NEO1: variants seen among roughly 807,000 people sequenced by gnomAD.
NEO1 encodes the protein neogenin.
A neutral mutation model predicts 159.7 loss-of-function variants in NEO1; 63 were observed. That is an observed-to-expected ratio of 0.39 (90% confidence interval 0.32 to 0.49). NEO1 has a LOEUF of 0.49. NEO1 is among the 20% of genes least tolerant of loss of function. The pLI is 0.85. For missense variants in NEO1, 1,615 were observed against 1,831.0 expected, an observed-to-expected ratio of 0.88 and a Z score of 2.15; for synonymous variants, 633 against 662.0, an observed-to-expected ratio of 0.96 and a Z score of 0.67.
At chr15:73,156,754 C>A (rs978975150) in intron 5 of NEO1, among the ~76,000 whole-genome samples, 4 of 152,168 alleles carry the variant, frequency 2.6e-5, no homozygotes, top group Non-Finnish European at 5.9e-5. Context: ...TTGCAGAATT[C>A]TCAGGAACCT....
In NEO1 at chr15:73,304,168, T is replaced by C. The variant is rs1595811009; in HGVS notation, c.*1472T>C. The C allele has an allele frequency of 1.4e-5, 2 of 144,286 alleles. No homozygotes were observed. The highest frequency in any genetic ancestry group is 5.2e-5 in the African/African-American group (2 of 38,270). 8.9% of individuals were successfully genotyped at this position (144,286 alleles called of 1,614,324 possible). A position where few individuals can be genotyped will look rare whatever the true frequency, so the allele number is the denominator to read the frequency against. ...CCTGATGAGAATGAAGCCACAGGAG[T>C]TGTCTGAGGTGAACCCAGCCGCTCA... On this transcript the variant is annotated 3_prime_UTR_variant, in exon 29 of 29. Coordinates refer to ENST00000261908, the MANE Select transcript of NEO1 (RefSeq NM_002499.4).
At chr15:73,299,152 C>T (rs2042502443) in intron 27 of NEO1, among the ~76,000 whole-genome samples, 1 of 152,154 alleles carries the variant, frequency 6.6e-6, no homozygotes, top group Non-Finnish European at 1.5e-5. Context: ...GTTACCTATT[C>T]ATTTGCTTTA....
intron 1 of NEO1, among the ~76,000 whole-genome samples, chr15:73,061,816 C>T (rs2067993683): frequency 6.6e-6 from 1 of 152,126 alleles, no homozygotes; most frequent in South Asian, 2.1e-4. Flanking sequence ...TTGCTGTGCA[C>T]ACTGACTTTT....
intron 1 of NEO1, among the ~76,000 whole-genome samples, chr15:73,066,630 G>C (rs981441064): frequency 6.6e-6 from 1 of 152,116 alleles, no homozygotes; most frequent in African/African-American, 2.4e-5. Context: ...TAGGGATTGA[G>C]GTGATTTAAA....
intron 5 of NEO1, among the ~76,000 whole-genome samples, chr15:73,167,538 A>C (rs61658575): frequency 6.6e-6 from 1 of 152,178 alleles, no homozygotes; most frequent in Non-Finnish European, 1.5e-5. Context: ...AAAAGAATTG[A>C]AAGTAGGTCT....
intron 8 of NEO1, among the ~76,000 whole-genome samples, chr15:73,237,618 A>G (rs2039250692): frequency 1.3e-5 from 2 of 152,216 alleles, no homozygotes; most frequent in African/African-American, 4.8e-5. Flanking sequence ...CCTTTCTTTA[A>G]TACTCTCAAG....
intron 26 of NEO1, among the ~76,000 whole-genome samples, chr15:73,296,498 G>A (rs1479170860): frequency 6.6e-6 from 1 of 152,116 alleles, no homozygotes; most frequent in East Asian, 1.9e-4. Context: ...CTCATCCATG[G>A]ACCCAAGATC....
intron 4 of NEO1, among the ~76,000 whole-genome samples, chr15:73,132,014 C>G (rs2031194184): frequency 6.6e-6 from 1 of 152,198 alleles, no homozygotes; most frequent in African/African-American, 2.4e-5. Context: ...AGGAAAATCT[C>G]TCCTCATCCC....
rs570013738 is a variant in NEO1, at chr15:73,206,279, CCTGTTTCCTTATTTG to C, written c.1291+27863_1291+27877del. On this transcript the variant is annotated intron_variant, in intron 7 of 28. Coordinates refer to ENST00000261908, the MANE Select transcript of NEO1 (RefSeq NM_002499.4). ...ATATTGATATCTCTTGAAGTTTTCTCCTGTTTCCTTATTTGCTGTTTCCTTTATTATTTCTCTTGT... is the reference window on the plus strand; with the variant it reads ...ATATTGATATCTCTTGAAGTTTTCTCCTGTTTCCTTTATTATTTCTCTTGT... 2.0e-4 allele frequency among the ~76,000 whole-genome samples: 31 copies of C among 152,186 alleles called. 1 individual carries two copies. In the South Asian group the frequency reaches 6.2e-3, roughly 31 times the overall value.
intron 1 of NEO1, among the ~76,000 whole-genome samples, chr15:73,062,931 A>G (rs1021983400): frequency 1.3e-5 from 2 of 152,324 alleles, no homozygotes; most frequent in Middle Eastern, 3.4e-3. Flanking sequence ...AGTTCAAGTC[A>G]TAAGTGTAGT....
chr15:73,138,939 A>C (rs1186327824), intron 5 of NEO1, among the ~76,000 whole-genome samples: 1 of 152,158 alleles, frequency 6.6e-6, no homozygotes, highest in African/African-American at 2.4e-5. Context: ...TCCGAGGCTT[A>C]TAAAAAGCTG....
chr15:73,112,688 A>G (rs908876278), intron 1 of NEO1, among the ~76,000 whole-genome samples: 1 of 152,046 alleles, frequency 6.6e-6, no homozygotes, highest in African/African-American at 2.4e-5. Flanking sequence ...AAGATCACAG[A>G]CCCTGGTTCT....
intron 27 of NEO1, 147 bp from the exon 28 acceptor site, chr15:73,301,174 C>G (rs2042597477): frequency 9.8e-7 from 1 of 1,018,742 alleles, no homozygotes; most frequent in Non-Finnish European, 1.4e-6. Context: ...CTCCTTCCCT[C>G]TTATTCCAGT....
At chr15:73,146,884 A>G (rs1282695073) in intron 5 of NEO1, among the ~76,000 whole-genome samples, 1 of 152,186 alleles carries the variant, frequency 6.6e-6, no homozygotes, top group Non-Finnish European at 1.5e-5. Flanking sequence ...CAACCTAAGA[A>G]AAACTCAGCT....
At chr15:73,070,383 A>G (rs1042137077) in intron 1 of NEO1, among the ~76,000 whole-genome samples, 2 of 152,256 alleles carry the variant, frequency 1.3e-5, no homozygotes, top group African/African-American at 4.8e-5. Flanking sequence ...TTTTAATTAC[A>G]TGAAACAAAT....
intron 7 of NEO1, among the ~76,000 whole-genome samples, chr15:73,234,492 G>A (rs1347631194): frequency 6.6e-6 from 1 of 152,120 alleles, no homozygotes; most frequent in Non-Finnish European, 1.5e-5. Flanking sequence ...TATTGTGTGA[G>A]TAAACTGACA....
In NEO1 at chr15:73,122,665, A is replaced by G; in HGVS notation, c.589A>G (p.Arg197Gly). Reference sequence around the variant, plus strand: ...CAGACAACCCCTTCTTCTGGATGATAGAGTTATCAAACTTCCAAGTGGAAT... The same window carrying G: ...CAGACAACCCCTTCTTCTGGATGATGGAGTTATCAAACTTCCAAGTGGAAT... ...QNRQPLLLDD[R>G]VIKLPSGMLV... Residue 197 changes from arginine (R) to glycine (G), a missense_variant, in exon 3 of 29, where the codon AGA (arginine) becomes GGA (glycine). By Grantham distance (125) the Arg-to-Gly change is moderately radical. Around this residue, in one of 3 missense-constraint regions of NEO1, gnomAD observed 1,018 missense variants for 1,115.4 expected, o/e 0.91. Coordinates refer to ENST00000261908, the MANE Select transcript of NEO1 (RefSeq NM_002499.4). 2 of 1,614,146 alleles carry G rather than the reference A, an allele frequency of 1.2e-6. No homozygotes were observed.
chr15:73,070,293 A>G (rs1289546899), intron 1 of NEO1, among the ~76,000 whole-genome samples: 6 of 152,218 alleles, frequency 3.9e-5, no homozygotes, highest in Non-Finnish European at 8.8e-5. Flanking sequence ...TTCAGTTTTT[A>G]ATACAGTGGC....
At chr15:73,065,178 CTG>C (rs1350472546) in intron 1 of NEO1, among the ~76,000 whole-genome samples, 1 of 152,018 alleles carries the variant, frequency 6.6e-6, no homozygotes, top group African/African-American at 2.4e-5. Flanking sequence ...TTTTAGTTCT[CTG>C]TATGTTTAAG....
Sources: allele counts gnomAD v4.1 joint callset (sites outside exome capture counted in the v4.1 genomes callset), GRCh38; gene constraint gnomAD v4.1.1; regional missense constraint gnomAD v4.1.1; transcripts MANE v1.5; gene names NCBI Gene and HGNC (gene_info 2026-07-23, HGNC 2026-07-21).